Variants in EYA3 observed in about 807,000 individuals in gnomAD.
The protein encoded by EYA3 is EYA transcriptional coactivator and phosphatase 3.
In EYA3, 39 loss-of-function variants were observed where a neutral mutation model predicts 80.0. The observed-to-expected ratio is 0.49, with a 90% confidence interval of 0.38 to 0.64. The LOEUF (loss-of-function observed/expected upper bound fraction) is 0.64, where lower values mean the gene tolerates loss of function less well. EYA3 is among the 30% of genes least tolerant of loss of function. The probability of loss-of-function intolerance (pLI) is 0.00; values close to 1 mark genes in which losing one functional copy is unlikely to be tolerated. For synonymous variants in EYA3, 206 were observed against 232.8 expected, an observed-to-expected ratio of 0.88 and a Z score of 1.05; for missense variants, 523 against 676.1, an observed-to-expected ratio of 0.77 and a Z score of 2.51.
chr1:28,062,981 G>T (rs1488514071), intron 1 of EYA3, among the ~76,000 whole-genome samples: 1 of 140,670 alleles, frequency 7.1e-6, no homozygotes, highest in Non-Finnish European at 1.5e-5. Context: ...CAGGCTGGGC[G>T]ACAGGAAACT....
At chr1:28,035,436 AACC>A in intron 6 of EYA3, 105 bp downstream of exon 6, 2 of 1,253,752 alleles carry the variant, frequency 1.6e-6, no homozygotes, top group Non-Finnish European at 2.2e-6. Context: ...TTGCATACCC[AACC>A]ACATATGTAA....
At position 27,993,514 on chromosome 1, in the gene EYA3, C is replaced by G. The variant is rs999390796; in HGVS notation, c.1189G>C (p.Gly397Arg). 4 of 1,612,204 alleles carry G rather than the reference C, an allele frequency of 2.5e-6. No individual in the cohort carries two copies. The highest frequency in any genetic ancestry group is 3.4e-6 in the Non-Finnish European group (4 of 1,179,440). ...TDGFSGSGGS[G>R]SHGSSVGVQG... Reference sequence around the variant, plus strand: ...ACACCCACAGATGAACCATGGCTGCCACTACCTCCTGAGCCACTGAAACCA... The same window carrying G: ...ACACCCACAGATGAACCATGGCTGCGACTACCTCCTGAGCCACTGAAACCA... The change falls in exon 14 of 18, where the codon GGC becomes CGC. Residue 397 changes from glycine (G) to arginine (R), a missense_variant. Gly to Arg is a moderately radical substitution (Grantham distance 125). Coordinates refer to ENST00000373871, the MANE Select transcript of EYA3 (RefSeq NM_001990.4).
chr1:28,045,421 T>C (rs149116138), intron 3 of EYA3, among the ~76,000 whole-genome samples: 10 of 152,344 alleles, frequency 6.6e-5, no homozygotes, highest in African/African-American at 2.4e-4. Flanking sequence ...GACTTCTACA[T>C]GTACCTGGTT....
chr1:27,973,540 T>C lies in EYA3; in HGVS notation c.*926A>G, dbSNP rs1248014824. On this transcript the variant is annotated 3_prime_UTR_variant, in exon 18 of 18. Coordinates refer to ENST00000373871, the MANE Select transcript of EYA3 (RefSeq NM_001990.4). ...TCTCCAGTTTGGAAGCTAAGCCTCC[T>C]GTGATACAGTCTGAATGACAGTCAA... is the stretch of plus-strand genomic sequence containing the variant. 1.3e-5 allele frequency: 2 copies of C among 152,100 alleles called. No individual in the cohort carries two copies. Among genetic ancestry groups the C allele is most frequent in the Non-Finnish European group, 2.9e-5 (2 of 68,038 alleles). The allele number at this position is 152,100 out of a possible 1,614,324, so 9.4% of individuals were successfully genotyped here. A position where few individuals can be genotyped will look rare whatever the true frequency, so the allele number is the denominator to read the frequency against.
In EYA3 at chr1:27,988,581, T is replaced by C. The variant is rs758854905; in HGVS notation, c.1494A>G (p.Leu498=). The C allele has an allele frequency of 1.9e-6, 3 of 1,614,008 alleles. No homozygotes were observed. In the African/African-American group the frequency reaches 4.0e-5, roughly 22 times the overall value. The change falls in exon 16 of 18, where the codon CTA becomes CTG. Residue 498 remains leucine, a synonymous_variant. Coordinates refer to ENST00000373871, the MANE Select transcript of EYA3 (RefSeq NM_001990.4). ...TGTTCTCAATAGGAAATATTTCTCC[T>C]AGTCCATATAGGAGAACCTTGGCCA... The part of the protein sequence containing the change: ...PALAKVLLYG[L]GEIFPIENIY...
At chr1:28,020,667 CGTGTGTGTGTGTGT>C (rs56017264) in intron 7 of EYA3, among the ~76,000 whole-genome samples, 122 of 134,562 alleles carry the variant, frequency 9.1e-4, no homozygotes, top group African/African-American at 3.1e-3. Flanking sequence ...TACAGATCAT[CGTGTGTGTGTGTGT>C]GTGTGTGTGT....
chr1:28,047,995 C>G (rs1195884795), intron 3 of EYA3, among the ~76,000 whole-genome samples: 1 of 152,044 alleles, frequency 6.6e-6, no homozygotes, highest in African/African-American at 2.4e-5. Context: ...ATTTCATAAC[C>G]ATTTGGTAAT....
At chr1:28,033,955 C>T (rs988435352) in intron 6 of EYA3, among the ~76,000 whole-genome samples, 3 of 151,644 alleles carry the variant, frequency 2.0e-5, no homozygotes, top group African/African-American at 7.3e-5. Flanking sequence ...AGCATTTTGG[C>T]AGGCCAAGCT....
intron 7 of EYA3, 24 bp from the exon 8 acceptor site, chr1:28,017,263 G>C: frequency 1.1e-5 from 16 of 1,505,884 alleles, no homozygotes; most frequent in Non-Finnish European, 1.5e-5. Flanking sequence ...GGGGTTAAAA[G>C]ATATTAAAGA....
intron 7 of EYA3, among the ~76,000 whole-genome samples, chr1:28,025,602 C>T (rs1230487667): frequency 6.6e-6 from 1 of 152,120 alleles, no homozygotes; most frequent in Non-Finnish European, 1.5e-5. Flanking sequence ...GTCAAGAGCA[C>T]AGTAAGCACT....
At chr1:27,998,378 G>A in intron 12 of EYA3, 2 of 915,308 alleles carry the variant, frequency 2.2e-6, no homozygotes, top group Non-Finnish European at 2.6e-6. Flanking sequence ...AATACAATTG[G>A]CAATAATTAT....
chr1:27,984,250 C>T (rs12136036), intron 16 of EYA3, among the ~76,000 whole-genome samples: 6 of 151,724 alleles, frequency 4.0e-5, no homozygotes, highest in African/African-American at 9.7e-5. Flanking sequence ...ATGTTACCCA[C>T]GATGGTCCTG....
intron 15 of EYA3, among the ~76,000 whole-genome samples, chr1:27,989,214 T>A (rs1487125334): frequency 6.6e-6 from 1 of 152,224 alleles, no homozygotes; most frequent in Non-Finnish European, 1.5e-5. Context: ...GAGGGAGTAA[T>A]AGGGTATTGG....
chr1:27,985,719 T>A (rs1276122884), intron 16 of EYA3, among the ~76,000 whole-genome samples: 1 of 152,102 alleles, frequency 6.6e-6, no homozygotes, highest in Non-Finnish European at 1.5e-5. Context: ...GTAACTGTGA[T>A]TACAGGCGCC....
At chr1:28,085,169 G>A (rs935811939) in intron 1 of EYA3, among the ~76,000 whole-genome samples, 4 of 152,160 alleles carry the variant, frequency 2.6e-5, no homozygotes, top group African/African-American at 9.7e-5. Flanking sequence ...TACATCAGCC[G>A]CCTGTGGGTG....
chr1:28,007,438 A>C (rs2148778090), intron 10 of EYA3, among the ~76,000 whole-genome samples: 1 of 150,300 alleles, frequency 6.7e-6, no homozygotes, highest in Non-Finnish European at 1.5e-5. Context: ...AGGTTGAAGC[A>C]GTTCTCTTGC....
At chr1:28,059,291 G>GA (rs1017096735) in intron 1 of EYA3, among the ~76,000 whole-genome samples, 3 of 152,118 alleles carry the variant, frequency 2.0e-5, no homozygotes, top group Non-Finnish European at 2.9e-5. Context: ...AATATCAAAA[G>GA]AAAAAAGAAG....
intron 12 of EYA3, 59 bp downstream of exon 12, chr1:27,999,901 C>G: frequency 1.6e-6 from 2 of 1,289,450 alleles, no homozygotes; most frequent in South Asian, 1.3e-5. Context: ...AGCAAAAGCT[C>G]TAAATAGTTA....
At position 28,057,867 on chromosome 1, in the gene EYA3, G is replaced by A. The variant is rs114743142; in HGVS notation, c.33+127C>T. Reference sequence around the variant, plus strand: ...TAGAAAAATATAACATTGTTTTCTTGAAAGGAAACAAGGAATCTTTTCCTT... The same window carrying A: ...TAGAAAAATATAACATTGTTTTCTTAAAAGGAAACAAGGAATCTTTTCCTT... On this transcript the variant is annotated intron_variant, in intron 2 of 17. Transcript: ENST00000373871. 9.3e-4 allele frequency: 508 copies of A among 543,694 alleles called. 2 individuals carry two copies. Among genetic ancestry groups the A allele is most frequent in the African/African-American group, 9.2e-3 (471 of 51,464 alleles). 33.7% of individuals were successfully genotyped at this position (543,694 alleles called of 1,614,324 possible).
Sources: gnomAD v4.1 joint callset for allele counts (sites outside exome capture counted in the v4.1 genomes callset) on GRCh38, gnomAD v4.1.1 for gene constraint, MANE v1.5 for transcripts, NCBI Gene and HGNC (gene_info 2026-07-23, HGNC 2026-07-21) for gene names.